Variants in MRTFB observed in about 807,000 individuals in gnomAD.
The protein encoded by MRTFB is myocardin related transcription factor B.
MRTFB carries 29 observed loss-of-function variants against 104.2 expected under a neutral mutation model. That is an observed-to-expected ratio of 0.28 (90% CI 0.21 to 0.38). MRTFB has a LOEUF of 0.38. MRTFB is among the 10% of genes least tolerant of loss of function. The pLI, the probability that MRTFB is intolerant of heterozygous loss-of-function variation, is 1.00. For missense variants in MRTFB, 1,270 were observed against 1,341.6 expected, an observed-to-expected ratio of 0.95 and a Z score of 0.83; for synonymous variants, 535 against 519.5, an observed-to-expected ratio of 1.03 and a Z score of -0.41.
chr16:14,104,584 G>A (rs923683767), intron 2 of MRTFB, among the ~76,000 whole-genome samples: 2 of 152,064 alleles, frequency 1.3e-5, no homozygotes, highest in African/African-American at 2.4e-5. Flanking sequence ...TTGGGGTTTC[G>A]CTTTATAAAC....
chr16:14,017,707 ATATAT>A, the MRTFB span, among the ~76,000 whole-genome samples: 1 of 18,834 alleles, frequency 5.3e-5, no homozygotes, highest in Non-Finnish European at 1.8e-4. Context: ...ATATATATAT[ATATAT>A]TTTTTTTTTT....
chr16:14,017,268 G>C, the MRTFB span, among the ~76,000 whole-genome samples: 1 of 151,846 alleles, frequency 6.6e-6, no homozygotes, highest in Admixed American at 6.6e-5. Context: ...ATGTTAGCCA[G>C]GATGGTCTCG....
chr16:14,231,759 C>A (rs2042278655), intron 8 of MRTFB, among the ~76,000 whole-genome samples: 1 of 152,198 alleles, frequency 6.6e-6, no homozygotes, highest in Non-Finnish European at 1.5e-5. Flanking sequence ...CTTCTGCTAA[C>A]TTTAGCCACT....
intron 2 of MRTFB, among the ~76,000 whole-genome samples, chr16:14,135,637 T>G (rs1459815948): frequency 6.6e-6 from 1 of 152,260 alleles, no homozygotes; most frequent in Non-Finnish European, 1.5e-5. Flanking sequence ...TTCCTGTTTC[T>G]GCATTTCCAC....
chr16:14,229,918 C>T (rs1218630524), intron 8 of MRTFB, among the ~76,000 whole-genome samples: 1 of 151,876 alleles, frequency 6.6e-6, no homozygotes, highest in Non-Finnish European at 1.5e-5. Flanking sequence ...TTTTTTGTTT[C>T]TTTGGGGAAA....
At chr16:14,175,765 G>A (rs188252147) in intron 3 of MRTFB, among the ~76,000 whole-genome samples, 83 of 152,180 alleles carry the variant, frequency 5.5e-4, no homozygotes, top group East Asian at 1.5e-3. Flanking sequence ...TCCATACAGC[G>A]GATTACTCAG....
At chr16:14,202,239 A>G (rs1176431796) in intron 3 of MRTFB, among the ~76,000 whole-genome samples, 1 of 152,174 alleles carries the variant, frequency 6.6e-6, no homozygotes, top group Non-Finnish European at 1.5e-5. Context: ...ATTGGTGGAC[A>G]ATTCACAAGA....
chr16:14,132,543 A>G (rs59506255), intron 2 of MRTFB, among the ~76,000 whole-genome samples: 14,675 of 152,206 alleles, frequency 0.096, 1,198 homozygotes, highest in East Asian at 0.3. Flanking sequence ...CTGAAGATTA[A>G]CTTTTATTTG....
Position 14,131,158 on chromosome 16 carries a change from C to T in MRTFB, c.-63-9386C>T, listed in dbSNP as rs2037420168. Among the ~76,000 whole-genome samples the T allele has an allele frequency of 2.0e-5, 3 of 152,286 alleles. No homozygotes were observed. The East Asian group carries it at 5.8e-4, about 29-fold the overall frequency. On this transcript the variant is annotated intron_variant, in intron 2 of 16. Transcript: ENST00000571589. ...ATAGTGCTGGATTTTGTCCCCATAT[C>T]TAACTCCAAAACATGAACTCTGAAC...
At chr16:14,075,398 C>T (rs1313736978) in intron 1 of MRTFB, among the ~76,000 whole-genome samples, 1 of 152,238 alleles carries the variant, frequency 6.6e-6, no homozygotes, top group Non-Finnish European at 1.5e-5. Flanking sequence ...GAGCTCCACT[C>T]CAGACCAACT....
chr16:14,149,846 GT>G (rs960003910), intron 3 of MRTFB, among the ~76,000 whole-genome samples: 2 of 152,148 alleles, frequency 1.3e-5, no homozygotes, highest in African/African-American at 4.8e-5. Flanking sequence ...GAAGAACCTA[GT>G]TTTAAAGAAG....
intron 9 of MRTFB, 67 bp from the exon 10 acceptor site, chr16:14,240,170 C>T: frequency 6.7e-7 from 1 of 1,488,614 alleles, no homozygotes; most frequent in Non-Finnish European, 9.0e-7. Context: ...ATCATTTAGT[C>T]ACGCAGTACA....
chr16:14,032,565 A>T, the MRTFB span, among the ~76,000 whole-genome samples: 1 of 151,936 alleles, frequency 6.6e-6, no homozygotes, highest in Non-Finnish European at 1.5e-5. Flanking sequence ...GAGTTTTGAG[A>T]GCTGTCTTAG....
the MRTFB span, among the ~76,000 whole-genome samples, chr16:14,000,555 T>G: frequency 1.1e-4 from 16 of 152,242 alleles, no homozygotes; most frequent in African/African-American, 3.9e-4. Flanking sequence ...AGTGCTAATG[T>G]GTTCTGATCT....
intron 15 of MRTFB, 66 bp downstream of exon 15, chr16:14,252,568 G>C (rs30143): frequency 0.11 from 172,683 of 1,544,568 alleles, 17,007 homozygotes; most frequent in African/African-American, 0.49. Flanking sequence ...GTCTCGAGCA[G>C]ACCTATACAG....
the MRTFB span, among the ~76,000 whole-genome samples, chr16:14,029,882 C>A: frequency 1.3e-5 from 2 of 152,056 alleles, no homozygotes; most frequent in Non-Finnish European, 2.9e-5. Context: ...GCAGCCTCCG[C>A]AGGCTCATTC....
At chr16:14,258,392 C>T (rs891145390) in intron 16 of MRTFB, among the ~76,000 whole-genome samples, 1 of 152,036 alleles carries the variant, frequency 6.6e-6, no homozygotes, top group Non-Finnish European at 1.5e-5. Flanking sequence ...CCCAGGAGTT[C>T]GAGACCAGCT....
intron 2 of MRTFB, among the ~76,000 whole-genome samples, chr16:14,085,325 C>T (rs1382716187): frequency 2.0e-5 from 3 of 151,714 alleles, no homozygotes; most frequent in Admixed American, 6.6e-5. Context: ...GGTGTGGTGG[C>T]GGGCGCCTGT....
chr16:14,060,983 A>G, the MRTFB span, among the ~76,000 whole-genome samples: 1 of 152,108 alleles, frequency 6.6e-6, no homozygotes, highest in East Asian at 1.9e-4. Flanking sequence ...TGTCTCTACT[A>G]AAAATACAAA....
Sources: gnomAD v4.1 joint callset for allele counts (sites outside exome capture counted in the v4.1 genomes callset) on GRCh38, gnomAD v4.1.1 for gene constraint, MANE v1.5 for transcripts, NCBI Gene and HGNC (gene_info 2026-07-23, HGNC 2026-07-21) for gene names.